The following PLEKHA1 variants were observed in gnomAD, a reference collection of about 807,000 sequenced individuals.
The protein encoded by PLEKHA1 is pleckstrin homology domain containing A1.
PLEKHA1 carries 34 observed loss-of-function variants against 52.0 expected under a neutral mutation model. The ratio of observed to expected loss-of-function variants is 0.65; its 90% CI spans 0.50 to 0.87. The LOEUF is 0.87. PLEKHA1 is among the 40% of genes least tolerant of loss of function. The pLI is 0.00. For synonymous variants in PLEKHA1, 163 were observed against 170.7 expected (o/e 0.95, Z 0.35); for missense variants, 497 against 504.2 (o/e 0.99, Z 0.14).
chr10:122,426,735 A>C (rs1334349892), intron 10 of PLEKHA1, among the ~76,000 whole-genome samples: 3 of 152,198 alleles, frequency 2.0e-5, no homozygotes, highest in Non-Finnish European at 2.9e-5. Flanking sequence ...TGATCTTGAC[A>C]TTGAAGTGCT....
chr10:122,383,213 C>A (rs1418924148), intron 1 of PLEKHA1, among the ~76,000 whole-genome samples: 1 of 152,198 alleles, frequency 6.6e-6, no homozygotes, highest in African/African-American at 2.4e-5. Flanking sequence ...ACCCTGCCAC[C>A]AGTGCCTCCG....
At chr10:122,404,867 G>A (rs914923794) in intron 4 of PLEKHA1, among the ~76,000 whole-genome samples, 6 of 152,162 alleles carry the variant, frequency 3.9e-5, no homozygotes, top group Non-Finnish European at 7.4e-5. Context: ...TCAAAATCTT[G>A]TGTGTTTTCC....
At chr10:122,413,542 A>T (rs1288923499) in intron 6 of PLEKHA1, among the ~76,000 whole-genome samples, 1 of 152,140 alleles carries the variant, frequency 6.6e-6, no homozygotes, top group African/African-American at 2.4e-5. Flanking sequence ...AGAGTTTGCA[A>T]GTAGTAATTT....
intron 1 of PLEKHA1, among the ~76,000 whole-genome samples, chr10:122,380,904 A>T (rs766091962): frequency 2.0e-5 from 3 of 152,136 alleles, no homozygotes; most frequent in Non-Finnish European, 4.4e-5. Context: ...GTGAGGTATT[A>T]CATAGTATTG....
chr10:122,379,645 G>A (rs117547834), intron 1 of PLEKHA1, among the ~76,000 whole-genome samples: 1,772 of 152,306 alleles, frequency 0.012, 20 homozygotes, highest in Non-Finnish European at 0.014. Flanking sequence ...GTGGAAGGAT[G>A]GTGCTGATTA....
chr10:122,419,553 GCT>G (rs1246241743), intron 8 of PLEKHA1: 3 of 152,108 alleles, frequency 2.0e-5, no homozygotes, highest in African/African-American at 7.2e-5. Context: ...CATTCATTGA[GCT>G]CTCCATGAAC....
chr10:122,434,886 A>C (rs1445302348), downstream of PLEKHA1: 1 of 151,488 alleles, frequency 6.6e-6, no homozygotes, highest in Non-Finnish European at 1.5e-5. Context: ...TGTCCCTACA[A>C]AGGACATGAA....
intron 11 of PLEKHA1, chr10:122,428,416 A>G: frequency 6.8e-7 from 1 of 1,461,738 alleles, no homozygotes; most frequent in Non-Finnish European, 9.1e-7. Flanking sequence ...AACTGATCAT[A>G]GAAAGTTGAG....
chr10:122,393,362 T>G lies in PLEKHA1; in HGVS notation c.141+21T>G. 6.3e-7 allele frequency: 1 copy of G among 1,578,512 alleles called. No homozygotes were observed. The highest frequency in any genetic ancestry group is 2.3e-5 in the East Asian group (1 of 44,174). ...CACAGGTTTGTAAAATCCCAAGGAT[T>G]ATCTTTTAAAAGCACAGAAAGTTGT... On this transcript the variant is annotated intron_variant, in intron 2 of 11. Coordinates refer to ENST00000368990, the MANE Select transcript of PLEKHA1 (RefSeq NM_001001974.4). This position sits in a 1 kb window ranked among gnomAD's most constrained non-coding sequence, Gnocchi z 4.5.
chr10:122,415,673 G>A (rs1054492474), intron 6 of PLEKHA1, among the ~76,000 whole-genome samples, 186 bp from the exon 7 acceptor site: 7 of 152,102 alleles, frequency 4.6e-5, no homozygotes, highest in Non-Finnish European at 1.0e-4. Context: ...CAAGAGGAAT[G>A]GAAATTTGTG....
rs1278494629 is a variant in PLEKHA1, at chr10:122,398,638, AAGT to A, written c.198+666_198+668del. Among the ~76,000 whole-genome samples the A allele has an allele frequency of 5.3e-5, 8 of 151,530 alleles. No homozygotes were observed. In the East Asian group the frequency reaches 1.4e-3, roughly 26 times the overall value. On this transcript the variant is annotated intron_variant, in intron 3 of 11. Transcript: ENST00000368990. ...GTGTGTGTGCATGTGTGTTACATAAAAGTAATAAAAGTTTGTTGATTACTTATA... is the reference window on the plus strand; with the variant it reads ...GTGTGTGTGCATGTGTGTTACATAAAAATAAAAGTTTGTTGATTACTTATA...
downstream of PLEKHA1, chr10:122,437,173 A>G (rs2097441583): frequency 6.6e-6 from 1 of 152,060 alleles, no homozygotes; most frequent in South Asian, 2.1e-4. Flanking sequence ...ATTGTCACTC[A>G]TGCCATTTTT....
At chr10:122,402,524 A>G (rs1353922266) in intron 4 of PLEKHA1, among the ~76,000 whole-genome samples, 1 of 152,230 alleles carries the variant, frequency 6.6e-6, no homozygotes, top group Non-Finnish European at 1.5e-5. Context: ...ATAATTTAGC[A>G]GAGTGGAGGA....
chr10:122,375,166 G>C (rs1433896128), intron 1 of PLEKHA1, among the ~76,000 whole-genome samples: 1 of 151,962 alleles, frequency 6.6e-6, no homozygotes, highest in Non-Finnish European at 1.5e-5. Context: ...CGGTCGCGGG[G>C]CCGACGAGCT....
chr10:122,398,109 G>C lies in PLEKHA1; in HGVS notation c.198+135G>C, dbSNP rs553127495. ...TTCCTATCATACTGAAATGGTACCT[G>C]ATTACTACGTTTAGGAAATTCTTTA... On this transcript the variant is annotated intron_variant, in intron 3 of 11. Transcript: ENST00000368990. The C allele has an allele frequency of 1.9e-5, 12 of 626,158 alleles. No individual in the cohort carries two copies. In the East Asian group the frequency reaches 2.9e-4, roughly 15 times the overall value. 38.8% of individuals were successfully genotyped at this position (626,158 alleles called of 1,614,324 possible). A position where few individuals can be genotyped will look rare whatever the true frequency, so the allele number is the denominator to read the frequency against.
intron 2 of PLEKHA1, among the ~76,000 whole-genome samples, chr10:122,394,813 G>A (rs748826835): frequency 1.4e-4 from 22 of 152,180 alleles, no homozygotes; most frequent in Non-Finnish European, 2.6e-4. Context: ...CATATGTATG[G>A]TTTCTCCTGA....
intron 1 of PLEKHA1, among the ~76,000 whole-genome samples, chr10:122,376,789 AAG>A (rs2096544529): frequency 6.6e-6 from 1 of 152,220 alleles, no homozygotes; most frequent in Non-Finnish European, 1.5e-5. Context: ...CATAAGCCGG[AAG>A]GACCTTTTTA....
chr10:122,429,531 TTTTA>T (rs1012838110), intron 11 of PLEKHA1, 89 bp from the exon 12 acceptor site: 13 of 1,016,034 alleles, frequency 1.3e-5, no homozygotes, highest in Non-Finnish European at 1.9e-5. Context: ...TGTGTGTGTG[TTTTA>T]TTTGTTTTTC....
intron 3 of PLEKHA1, among the ~76,000 whole-genome samples, chr10:122,398,517 CA>C (rs563493369): frequency 1.9e-3 from 285 of 151,118 alleles, no homozygotes; most frequent in African/African-American, 6.7e-3. Flanking sequence ...TTATGTTTGT[CA>C]GGTACATTTT....
Sources: allele counts gnomAD v4.1 joint callset (sites outside exome capture counted in the v4.1 genomes callset), GRCh38; gene constraint gnomAD v4.1.1; non-coding constraint Gnocchi (gnomAD v3.1); transcripts MANE v1.5; gene names NCBI Gene and HGNC (gene_info 2026-07-23, HGNC 2026-07-21).